Variants in EVA1C observed in about 807,000 individuals in gnomAD.
EVA1C encodes protein eva-1 homolog C.
EVA1C carries 25 observed loss-of-function variants against 45.4 expected under a neutral mutation model. That is an observed-to-expected ratio of 0.55 (90% CI 0.40 to 0.77). The LOEUF (loss-of-function observed/expected upper bound fraction) is 0.77, where lower values mean the gene tolerates loss of function less well. EVA1C is among the 30% of genes least tolerant of loss of function. The probability of loss-of-function intolerance (pLI) is 0.00; values close to 1 mark genes in which losing one functional copy is unlikely to be tolerated. For synonymous variants in EVA1C, 190 were observed against 221.2 expected, an observed-to-expected ratio of 0.86 and a Z score of 1.25; for missense variants, 479 against 554.8, an observed-to-expected ratio of 0.86 and a Z score of 1.37.
At chr21:32,453,789 A>G (rs2035677127) in intron 2 of EVA1C, among the ~76,000 whole-genome samples, 1 of 152,222 alleles carries the variant, frequency 6.6e-6, no homozygotes, top group Admixed American at 6.5e-5. Flanking sequence ...TTACTTTAGT[A>G]TAGCAAAGTA....
chr21:32,490,713 A>G (rs2037125169), intron 4 of EVA1C, among the ~76,000 whole-genome samples: 1 of 152,042 alleles, frequency 6.6e-6, no homozygotes, highest in South Asian at 2.1e-4. Flanking sequence ...TTCTGGTTCC[A>G]TTTTAGTCTC....
chr21:32,433,285 G>C (rs1227276212), intron 1 of EVA1C: 1 of 152,290 alleles, frequency 6.6e-6, no homozygotes, highest in Non-Finnish European at 1.5e-5. Flanking sequence ...ATCAAAACTT[G>C]GTTTGCCTCC....
chr21:32,437,875 C>T (rs553746409), intron 1 of EVA1C, among the ~76,000 whole-genome samples: 26 of 152,284 alleles, frequency 1.7e-4, no homozygotes, highest in South Asian at 1.7e-3. Flanking sequence ...GAGGGAGGAG[C>T]GAGCGCTTTT....
At chr21:32,510,515 G>A (rs2081466020) in intron 7 of EVA1C, among the ~76,000 whole-genome samples, 1 of 152,136 alleles carries the variant, frequency 6.6e-6, no homozygotes, top group African/African-American at 2.4e-5. Context: ...GGTCGCTTTT[G>A]CACTACAATA....
chr21:32,429,252 G>A (rs2034606804), intron 1 of EVA1C, among the ~76,000 whole-genome samples: 1 of 152,142 alleles, frequency 6.6e-6, no homozygotes, highest in Non-Finnish European at 1.5e-5. Context: ...TGTTGGCTAG[G>A]CAGGTCTTGA....
At chr21:32,451,592 A>T (rs2035582390) in intron 1 of EVA1C, among the ~76,000 whole-genome samples, 1 of 152,084 alleles carries the variant, frequency 6.6e-6, no homozygotes, top group South Asian at 2.1e-4. Flanking sequence ...AAACAACAGA[A>T]ATTCATCCTC....
chr21:32,487,291 G>T (rs912532246), intron 4 of EVA1C, among the ~76,000 whole-genome samples: 1 of 152,168 alleles, frequency 6.6e-6, no homozygotes, highest in Admixed American at 6.5e-5. Context: ...AAGCTGGAGA[G>T]AGAGGCTGGA....
chr21:32,486,064 A>G (rs1045401977), intron 4 of EVA1C, among the ~76,000 whole-genome samples: 4 of 152,340 alleles, frequency 2.6e-5, no homozygotes, highest in African/African-American at 9.6e-5. Flanking sequence ...GTTTGAACCA[A>G]TCGCCATGAG....
intron 4 of EVA1C, among the ~76,000 whole-genome samples, chr21:32,469,372 G>A (rs755527376): frequency 2.2e-4 from 33 of 152,194 alleles, no homozygotes; most frequent in Non-Finnish European, 7.3e-5. Context: ...GTGAGAAAGT[G>A]AGCCTGCAGC....
At chr21:32,471,593 T>C (rs111778707) in intron 4 of EVA1C, among the ~76,000 whole-genome samples, 1,895 of 151,834 alleles carry the variant, frequency 0.012, 34 homozygotes, top group Admixed American at 0.038. Flanking sequence ...CCCAAAATGC[T>C]GGGATTACAG....
intron 3 of EVA1C, among the ~76,000 whole-genome samples, chr21:32,466,226 C>G (rs2036167291): frequency 6.6e-6 from 1 of 152,104 alleles, no homozygotes; most frequent in African/African-American, 2.4e-5. Context: ...CAAGACCATC[C>G]TGGCTAACAC....
chr21:32,456,497 AGGGGTTTCTTG>A (rs1369728542), intron 2 of EVA1C, among the ~76,000 whole-genome samples: 5 of 152,026 alleles, frequency 3.3e-5, no homozygotes, highest in Non-Finnish European at 7.4e-5. Context: ...CTGGGGTCTG[AGGGGTTTCTTG>A]GGTATTTTTT....
intron 1 of EVA1C, among the ~76,000 whole-genome samples, chr21:32,423,753 T>A (rs1472275927): frequency 6.6e-6 from 1 of 152,190 alleles, no homozygotes; most frequent in Non-Finnish European, 1.5e-5. Context: ...GATGCTTGGA[T>A]GAAGTGATGC....
chr21:32,493,152 A>G (rs1005462874), intron 4 of EVA1C, among the ~76,000 whole-genome samples: 2 of 152,212 alleles, frequency 1.3e-5, no homozygotes, highest in African/African-American at 2.4e-5. Flanking sequence ...CTGTTATATT[A>G]TAAGTGAATG....
rs571781690 is a variant in EVA1C, at chr21:32,511,998, T to C, written c.950-2816T>C. Among the ~76,000 whole-genome samples, 4 of 151,928 alleles carry C rather than the reference T, an allele frequency of 2.6e-5. No individual in the cohort carries two copies. The South Asian group carries it at 8.3e-4, about 32-fold the overall frequency. ...TATTTTACAGCGATATGATATTAAA[T>C]TAAAAAAAAACACCAAGTCTCCAAC... is the stretch of plus-strand genomic sequence containing the variant. On this transcript the variant is annotated intron_variant, in intron 7 of 7. Transcript: ENST00000300255.
At chr21:32,446,917 CTGCTGTGTGATTCCCTCACTCTGACCT>C (rs2035382808) in intron 1 of EVA1C, among the ~76,000 whole-genome samples, 1 of 152,194 alleles carries the variant, frequency 6.6e-6, no homozygotes, top group Non-Finnish European at 1.5e-5. Flanking sequence ...CCTTTCCAGC[CTGCTGTGTGATTCCCTCACTCTGACCT>C]TGCTGGTCCT....
chr21:32,451,508 T>C (rs892745642), intron 1 of EVA1C, among the ~76,000 whole-genome samples: 1 of 152,182 alleles, frequency 6.6e-6, no homozygotes, highest in African/African-American at 2.4e-5. Context: ...TGCCTGGGAA[T>C]TCCATGGAGT....
At chr21:32,456,391 T>C (rs2035784689) in intron 2 of EVA1C, among the ~76,000 whole-genome samples, 1 of 152,170 alleles carries the variant, frequency 6.6e-6, no homozygotes, top group Non-Finnish European at 1.5e-5. Context: ...TGCTCTGTGG[T>C]TGTAACAGTG....
intron 7 of EVA1C, among the ~76,000 whole-genome samples, chr21:32,511,347 G>A (rs2037940623): frequency 6.7e-6 from 1 of 149,828 alleles, no homozygotes; most frequent in Non-Finnish European, 1.5e-5. Flanking sequence ...CTGGGGTGGG[G>A]GGCGGAGGTT....
Sources: allele counts gnomAD v4.1 joint callset (sites outside exome capture counted in the v4.1 genomes callset), GRCh38; gene constraint gnomAD v4.1.1; transcripts MANE v1.5; gene names NCBI Gene and HGNC (gene_info 2026-07-23, HGNC 2026-07-21).